ZFR2: variants seen among roughly 807,000 people sequenced by gnomAD.
The protein encoded by ZFR2 is zinc finger RNA-binding protein 2.
In ZFR2, 104 loss-of-function variants were observed where a neutral mutation model predicts 105.7. That is an observed-to-expected ratio of 0.98 (90% CI 0.84 to 1.16). The LOEUF is 1.16. Among genes scored for constraint, ZFR2 ranks in the 50% most tolerant of loss-of-function variants. ZFR2 has a pLI of 0.00. For synonymous variants in ZFR2, 634 were observed against 597.7 expected (o/e 1.06, Z -0.89); for missense variants, 1,425 against 1,355.5 (o/e 1.05, Z -0.80).
intron 1 of ZFR2, among the ~76,000 whole-genome samples, chr19:3,839,789 AGGGTTGGT>A (rs1968586737): frequency 6.6e-6 from 1 of 151,934 alleles, no homozygotes. Flanking sequence ...CTTCCTCCCT[AGGGTTGGT>A]GGCTGTCTTG....
At chr19:3,825,209 C>A in intron 7 of ZFR2, 21 bp downstream of exon 7, 1 of 1,477,414 alleles carries the variant, frequency 6.8e-7, no homozygotes, top group Non-Finnish European at 8.9e-7. Context: ...GGTACACGAA[C>A]ACGCATACAG....
intron 1 of ZFR2, among the ~76,000 whole-genome samples, chr19:3,863,902 C>T (rs2038401045): frequency 6.6e-6 from 1 of 152,162 alleles, no homozygotes; most frequent in Non-Finnish European, 1.5e-5. Flanking sequence ...ATGGGCTTCA[C>T]AACACCTACC....
intron 1 of ZFR2, among the ~76,000 whole-genome samples, chr19:3,848,727 C>A (rs1189788811): frequency 6.6e-6 from 1 of 150,580 alleles, no homozygotes; most frequent in African/African-American, 2.4e-5. Context: ...CGCGGTGGCT[C>A]ACGCCTGTAA....
Position 3,868,852 on chromosome 19 carries a change from G to A in ZFR2, c.53+113C>T, listed in dbSNP as rs1017906517. 3.3e-6 allele frequency: 3 copies of A among 914,078 alleles called. No individual in the cohort carries two copies. In the Admixed American group the frequency reaches 1.3e-4, roughly 40 times the overall value. The allele number at this position is 914,078 out of a possible 1,614,324, so 56.6% of individuals were successfully genotyped here. On this transcript the variant is annotated intron_variant, in intron 1 of 18. Transcript: ENST00000262961. The stretch of plus-strand genomic sequence containing the variant: ...TTCCCTCAGGCCGGGGTTCCAGGTT[G>A]GGGCTGGGACTGGGGCCGGGCCGGG...
chr19:3,852,896 G>C (rs2038256552), intron 1 of ZFR2, among the ~76,000 whole-genome samples: 1 of 152,234 alleles, frequency 6.6e-6, no homozygotes, highest in Non-Finnish European at 1.5e-5. Flanking sequence ...TCCTGGCATG[G>C]AGTGGGTGGA....
At chr19:3,861,855 G>A (rs2038377759) in intron 1 of ZFR2, among the ~76,000 whole-genome samples, 1 of 152,148 alleles carries the variant, frequency 6.6e-6, no homozygotes, top group African/African-American at 2.4e-5. Context: ...AAACTCGTGA[G>A]CCAGACGTTG....
chr19:3,815,172 C>G (rs1431577993), intron 13 of ZFR2, among the ~76,000 whole-genome samples: 2 of 152,222 alleles, frequency 1.3e-5, no homozygotes, highest in African/African-American at 4.8e-5. Context: ...TCACTGCAAC[C>G]TCTGCCTCCA....
intron 9 of ZFR2, 95 bp downstream of exon 9, chr19:3,821,984 TCA>T: frequency 1.4e-6 from 2 of 1,470,432 alleles, no homozygotes; most frequent in Admixed American, 2.4e-5. Flanking sequence ...GTTCGTCGGA[TCA>T]CACGCGCGGA....
At chr19:3,829,127 A>G (rs966841754) in intron 5 of ZFR2, among the ~76,000 whole-genome samples, 4 of 151,796 alleles carry the variant, frequency 2.6e-5, no homozygotes, top group African/African-American at 9.7e-5. Context: ...ACGCCTGGCT[A>G]ATTTTTGTAT....
chr19:3,818,988 G>A (rs892590340), intron 12 of ZFR2, 57 bp downstream of exon 12: 50 of 1,571,518 alleles, frequency 3.2e-5, no homozygotes, highest in Non-Finnish European at 4.2e-5. Flanking sequence ...TCGTCCCGAG[G>A]AGCTGACCTC....
At chr19:3,810,927 AC>A in intron 15 of ZFR2, 82 bp from the exon 16 acceptor site, 2 of 1,446,698 alleles carry the variant, frequency 1.4e-6, no homozygotes, top group Non-Finnish European at 1.9e-6. Context: ...GTGAGCGTGA[AC>A]CCCAGGGAGG....
chr19:3,821,228 C>T (rs893290921), intron 10 of ZFR2, 112 bp downstream of exon 10: 36 of 1,371,048 alleles, frequency 2.6e-5, no homozygotes, highest in Non-Finnish European at 3.0e-5. Context: ...CCCCCCACTG[C>T]TCGAGAGCTC....
At chr19:3,847,517 CCTT>C (rs536473296) in intron 1 of ZFR2, among the ~76,000 whole-genome samples, 41 of 152,048 alleles carry the variant, frequency 2.7e-4, no homozygotes, top group Admixed American at 1.3e-4. Context: ...GAGCGAGACT[CCTT>C]CTCAAAAGAA....
chr19:3,831,028 C>T (rs1274283468), intron 5 of ZFR2, among the ~76,000 whole-genome samples: 1 of 151,806 alleles, frequency 6.6e-6, no homozygotes, highest in Non-Finnish European at 1.5e-5. Context: ...CACATGCGCA[C>T]ACATACGTGC....
chr19:3,856,965 G>A (rs1241935009), intron 1 of ZFR2: 1 of 152,114 alleles, frequency 6.6e-6, no homozygotes, highest in Non-Finnish European at 1.5e-5. Flanking sequence ...CTCACCTCAA[G>A]TGATCCGTCC....
rs780326789 is a variant in ZFR2, at chr19:3,822,127, G to A, written c.1445C>T (p.Ala482Val). 27 of 1,610,310 alleles carry A rather than the reference G, an allele frequency of 1.7e-5. No homozygotes were observed. Among genetic ancestry groups the A allele is most frequent in the Non-Finnish European group, 2.3e-5 (27 of 1,178,730 alleles). Residue 482 changes from alanine to valine, a missense_variant, in exon 9 of 19, where the codon GCG (alanine) becomes GTG (valine). Coordinates refer to ENST00000262961, the MANE Select transcript of ZFR2 (RefSeq NM_015174.2). ...CCGCCCCCTCACGTGCAGGTCCTTC[G>A]CGTTAAGGTCGTTGAAACTGCACTC... The part of the protein sequence containing the change: ...LCECSFNDLN[A>V]KDLHVRGRRH...
intron 1 of ZFR2, among the ~76,000 whole-genome samples, chr19:3,861,216 C>T (rs535290861): frequency 6.6e-6 from 1 of 152,208 alleles, no homozygotes; most frequent in East Asian, 1.9e-4. Context: ...ATGGAACTTA[C>T]CTTAGGGGAA....
intron 1 of ZFR2, among the ~76,000 whole-genome samples, chr19:3,865,766 A>T (rs977634177): frequency 1.3e-5 from 2 of 152,188 alleles, no homozygotes; most frequent in South Asian, 4.1e-4. Flanking sequence ...ACTGCTGTCC[A>T]AATGCTGCCA....
intron 1 of ZFR2, among the ~76,000 whole-genome samples, chr19:3,840,280 C>G (rs1195086595): frequency 6.6e-6 from 1 of 151,998 alleles, no homozygotes; most frequent in East Asian, 1.9e-4. Context: ...CTCTGTCGCC[C>G]AGGCTGGAGT....
Sources: gnomAD v4.1 joint callset for allele counts (sites outside exome capture counted in the v4.1 genomes callset) on GRCh38, gnomAD v4.1.1 for gene constraint, MANE v1.5 for transcripts, NCBI Gene and HGNC (gene_info 2026-07-23, HGNC 2026-07-21) for gene names.